The following GRAMD1C variants were observed in gnomAD, a reference collection of about 807,000 sequenced individuals.
GRAMD1C encodes GRAM domain containing 1C, also known as protein Aster-C.
In GRAMD1C, 89 loss-of-function variants were observed where a neutral mutation model predicts 97.8. The observed-to-expected ratio is 0.91, with a 90% CI of 0.77 to 1.09. The LOEUF is 1.09. Among genes scored for constraint, GRAMD1C ranks in the 50% least tolerant of loss-of-function variants. The pLI is 0.00. For missense variants in GRAMD1C, 740 were observed against 766.4 expected (o/e 0.97, Z 0.41); for synonymous variants, 256 against 267.0 (o/e 0.96, Z 0.40).
intron 6 of GRAMD1C, among the ~76,000 whole-genome samples, chr3:113,896,986 C>A (rs9866486): frequency 0.015 from 2,300 of 152,222 alleles, 26 homozygotes; most frequent in Non-Finnish European, 0.023. Context: ...GAAATATTTT[C>A]AAAGAAAAGA....
At chr3:113,840,779 C>G (rs930403367) in intron 1 of GRAMD1C, among the ~76,000 whole-genome samples, 5 of 152,106 alleles carry the variant, frequency 3.3e-5, no homozygotes, top group Admixed American at 3.3e-4. Context: ...AGGTGGTAGG[C>G]CTTACACTAT....
At chr3:113,865,052 A>C (rs1345457174) in intron 2 of GRAMD1C, among the ~76,000 whole-genome samples, 1 of 152,210 alleles carries the variant, frequency 6.6e-6, no homozygotes. Flanking sequence ...GTTCAAGATC[A>C]GGTGGTCTCA....
chr3:113,919,466 A>G, intron 10 of GRAMD1C: 1 of 521,050 alleles, frequency 1.9e-6, no homozygotes, highest in Non-Finnish European at 3.9e-6. Context: ...CAATGACAAG[A>G]GTAATGCTCA....
intron 2 of GRAMD1C, chr3:113,850,789 T>A (rs935667889): frequency 1.7e-4 from 135 of 796,094 alleles, no homozygotes; most frequent in Middle Eastern, 4.2e-4. Context: ...ATTTTTTTTT[T>A]ATTTTTATTT....
intron 2 of GRAMD1C, among the ~76,000 whole-genome samples, chr3:113,863,144 C>A (rs571570682): frequency 6.6e-6 from 1 of 152,142 alleles, no homozygotes; most frequent in Non-Finnish European, 1.5e-5. Context: ...ATATTCATAA[C>A]AGCATTATTC....
chr3:113,839,355 G>T (rs759146976), intron 1 of GRAMD1C, among the ~76,000 whole-genome samples: 7 of 152,174 alleles, frequency 4.6e-5, no homozygotes, highest in Admixed American at 2.6e-4. Context: ...CCAAGTTTTT[G>T]ATTTCAACTA....
chr3:113,880,463 G>C (rs912557007), intron 5 of GRAMD1C, among the ~76,000 whole-genome samples: 1 of 151,854 alleles, frequency 6.6e-6, no homozygotes, highest in East Asian at 1.9e-4. Flanking sequence ...AGGTCTGCAC[G>C]TGTAGATAGA....
chr3:113,934,387 A>C (rs757897317), intron 12 of GRAMD1C, 45 bp from the exon 13 acceptor site: 2 of 879,358 alleles, frequency 2.3e-6, no homozygotes, highest in Non-Finnish European at 3.7e-6. Context: ...AATATAACTA[A>C]AGTCTGCTCT....
rs1045372813 is a variant in GRAMD1C, at chr3:113,928,226, T to C, written c.1091-2488T>C. Among the ~76,000 whole-genome samples the C allele has an allele frequency of 2.6e-5, 4 of 152,182 alleles. No homozygotes were observed. The South Asian group carries it at 6.2e-4, about 24-fold the overall frequency. On this transcript the variant is annotated intron_variant, in intron 10 of 17. Coordinates refer to ENST00000358160, the MANE Select transcript of GRAMD1C (RefSeq NM_017577.5). ...TGACATGGTTTCTTAGATGATCAGC[T>C]AGTAGGGTCAGTGTTCATCAACCCT...
intron 2 of GRAMD1C, among the ~76,000 whole-genome samples, chr3:113,850,913 C>G (rs1016984307): frequency 4.0e-5 from 6 of 150,450 alleles, no homozygotes; most frequent in Non-Finnish European, 7.4e-5. Context: ...CACCATTCTC[C>G]TGCCCCAGCC....
In GRAMD1C at chr3:113,841,285, CT is replaced by C. The variant is rs772233296; in HGVS notation, c.27+2365del. 3.5e-4 allele frequency among the ~76,000 whole-genome samples: 33 copies of C among 94,342 alleles called. No homozygotes were observed. The East Asian group carries it at 5.3e-3, about 15-fold the overall frequency. The allele number at this position is 94,342 out of a possible 152,430, so 61.9% of individuals were successfully genotyped here. ...TCACAAAGTACTTCTTTCTTTCTTT[CT>C]TTTTTTTTTTTTTTTGCGAGACAGA... On this transcript the variant is annotated intron_variant, in intron 1 of 17. Transcript: ENST00000358160.
At chr3:113,871,221 T>C (rs1156473074) in intron 3 of GRAMD1C, among the ~76,000 whole-genome samples, 2 of 152,126 alleles carry the variant, frequency 1.3e-5, no homozygotes, top group East Asian at 3.8e-4. Context: ...TGTGTAATTG[T>C]TCACATGGAT....
At chr3:113,907,865 A>C (rs1298178277) in intron 8 of GRAMD1C, among the ~76,000 whole-genome samples, 1 of 152,154 alleles carries the variant, frequency 6.6e-6, no homozygotes. Flanking sequence ...CTGTAGAGAA[A>C]TGTACTCTAC....
chr3:113,915,724 C>T lies in GRAMD1C; in HGVS notation c.976C>T (p.His326Tyr), dbSNP rs1258618941. 6.2e-7 allele frequency: 1 copy of T among 1,609,056 alleles called. No individual in the cohort carries two copies. Among genetic ancestry groups the T allele is most frequent in the African/African-American group, 1.3e-5 (1 of 74,894 alleles). ...AGAAAATGTTCCTGAGAAAGATCTT[C>T]ATGGAAGACTTTTTATCAACCGTAT... ...DEENVPEKDL[H>Y]GRLFINRIFH... Residue 326 changes from histidine (H) to tyrosine (Y), a missense_variant, in exon 10 of 18, where the codon CAT becomes TAT. Transcript: ENST00000358160.
intron 10 of GRAMD1C, among the ~76,000 whole-genome samples, chr3:113,923,227 T>C (rs1173669479): frequency 6.6e-6 from 1 of 152,058 alleles, no homozygotes; most frequent in Non-Finnish European, 1.5e-5. Flanking sequence ...CAAATAGATA[T>C]AGTTTGATTT....
chr3:113,926,983 C>T (rs1434726318), intron 10 of GRAMD1C, among the ~76,000 whole-genome samples: 3 of 152,162 alleles, frequency 2.0e-5, no homozygotes, highest in Admixed American at 2.0e-4. Flanking sequence ...GCAGTAGGAT[C>T]TGTGCTGCTC....
chr3:113,876,461 A>G (rs1935036903), intron 5 of GRAMD1C, among the ~76,000 whole-genome samples: 2 of 152,194 alleles, frequency 1.3e-5, no homozygotes, highest in African/African-American at 4.8e-5. Flanking sequence ...TTTATAGTTT[A>G]CAGATAACTT....
chr3:113,879,389 A>C lies in GRAMD1C; in HGVS notation c.459+3129A>C, dbSNP rs142386243. On this transcript the variant is annotated intron_variant, in intron 5 of 17. Transcript: ENST00000358160. ...CACCCTGCTCAGTCTCTGATACTCC[A>C]GCACAAGACCACCTTCATGAGCTCT... 1.0e-3 allele frequency among the ~76,000 whole-genome samples: 159 copies of C among 152,132 alleles called. 1 individual carries two copies. The highest frequency in any genetic ancestry group is 6.8e-3 in the Middle Eastern group (2 of 294).
chr3:113,881,201 C>A (rs1026992727), intron 5 of GRAMD1C, among the ~76,000 whole-genome samples: 3 of 152,134 alleles, frequency 2.0e-5, no homozygotes, highest in Non-Finnish European at 2.9e-5. Context: ...GTCGCCCAGG[C>A]TGGAATGCAG....
Sources: gnomAD v4.1 joint callset for allele counts (sites outside exome capture counted in the v4.1 genomes callset) on GRCh38, gnomAD v4.1.1 for gene constraint, MANE v1.5 for transcripts, NCBI Gene and HGNC (gene_info 2026-07-23, HGNC 2026-07-21) for gene names.